Variants in MEIS1 observed in about 807,000 individuals in gnomAD.
The protein encoded by MEIS1 is homeobox protein Meis1.
A neutral mutation model predicts 50.8 loss-of-function variants in MEIS1; 5 were observed. The ratio of observed to expected loss-of-function variants is 0.10; its 90% confidence interval spans 0.05 to 0.21. MEIS1 has a LOEUF of 0.21. MEIS1 is among the 10% of genes least tolerant of loss of function. MEIS1 has a pLI of 1.00. For synonymous variants in MEIS1, 176 were observed against 179.3 expected (o/e 0.98, Z 0.15); for missense variants, 318 against 517.3 (o/e 0.61, Z 3.74).
chr2:66,571,019 G>A (rs574729605), intron 12 of MEIS1: 62 of 498,764 alleles, frequency 1.2e-4, no homozygotes, highest in Admixed American at 7.3e-4. Flanking sequence ...CTCAGTAGGC[G>A]GACCTGATAA....
chr2:66,563,330 T>A (rs989492633), intron 9 of MEIS1, among the ~76,000 whole-genome samples: 8 of 152,186 alleles, frequency 5.3e-5, no homozygotes, highest in African/African-American at 1.4e-4. Flanking sequence ...TTTGTCATTC[T>A]TTTTTATATT....
chr2:66,553,060 T>G (rs1379561546), intron 9 of MEIS1, among the ~76,000 whole-genome samples: 2 of 152,160 alleles, frequency 1.3e-5, no homozygotes, highest in African/African-American at 4.8e-5. Flanking sequence ...AAAAAAACAG[T>G]ACACGATGCA....
chr2:66,553,379 A>G (rs573620194), intron 9 of MEIS1, among the ~76,000 whole-genome samples: 5 of 152,350 alleles, frequency 3.3e-5, no homozygotes, highest in African/African-American at 9.6e-5. Context: ...GTTAATTGCT[A>G]TGCTTTTCAC....
chr2:66,441,839 G>GA (rs1671992281), intron 5 of MEIS1: 1 of 201,628 alleles, frequency 5.0e-6, no homozygotes, highest in Admixed American at 6.3e-5. Flanking sequence ...CTCTGAGGGA[G>GA]AAAAAAGTTT....
At chr2:66,448,239 A>T (rs866434550) in intron 6 of MEIS1, among the ~76,000 whole-genome samples, 1 of 152,218 alleles carries the variant, frequency 6.6e-6, no homozygotes, top group African/African-American at 2.4e-5. Flanking sequence ...ATAAATTTTA[A>T]ATCATTATGT....
At chr2:66,485,949 T>C (rs574338213) in intron 7 of MEIS1, among the ~76,000 whole-genome samples, 1 of 152,184 alleles carries the variant, frequency 6.6e-6, no homozygotes, top group Non-Finnish European at 1.5e-5. Flanking sequence ...TGGGATTGTG[T>C]TTTTTTCTTG....
chr2:66,509,999 C>T (rs1333302185), intron 7 of MEIS1, among the ~76,000 whole-genome samples: 1 of 152,118 alleles, frequency 6.6e-6, no homozygotes. Context: ...GGAAAATAAT[C>T]ATGGGGAGGT....
At chr2:66,446,145 G>A (rs1672138790) in intron 6 of MEIS1, among the ~76,000 whole-genome samples, 1 of 152,142 alleles carries the variant, frequency 6.6e-6, no homozygotes, top group Admixed American at 6.5e-5. Flanking sequence ...GCTAGGCGTC[G>A]AGGCGAGGGT....
At chr2:66,482,149 C>G (rs529265989) in intron 7 of MEIS1, among the ~76,000 whole-genome samples, 192 of 152,234 alleles carry the variant, frequency 1.3e-3, no homozygotes, top group African/African-American at 4.5e-3. Context: ...TGTGAGCCAC[C>G]ATGCCCAGTG....
At chr2:66,472,531 A>G (rs1045330888) in intron 7 of MEIS1, among the ~76,000 whole-genome samples, 1 of 152,236 alleles carries the variant, frequency 6.6e-6, no homozygotes, top group African/African-American at 2.4e-5. Flanking sequence ...TGTGCTACCA[A>G]GAACATCAAG....
chr2:66,550,464 CTGTTT>C (rs56404928), intron 9 of MEIS1, among the ~76,000 whole-genome samples: 19,285 of 147,798 alleles, frequency 0.13, 1,401 homozygotes, highest in East Asian at 0.24. Context: ...AAACCTCTTC[CTGTTT>C]TGTTTTGTTT....
chr2:66,476,814 T>C lies in MEIS1; in HGVS notation c.742+12594T>C, dbSNP rs377434997. ...GGAGTTAGCCCTAGAAGAAATTGGT[T>C]TTCTATTTCTGATCTCCCACTCAGT... On this transcript the variant is annotated intron_variant, in intron 7 of 12. Transcript: ENST00000272369. 8.5e-5 allele frequency among the ~76,000 whole-genome samples: 13 copies of C among 152,208 alleles called. No individual in the cohort carries two copies. The East Asian group carries it at 2.3e-3, about 27-fold the overall frequency.
In MEIS1 at chr2:66,497,365, A is replaced by G. The variant is rs549086875; in HGVS notation, c.743-14784A>G. ...AATGAGATACTTCAGAAAAGCAAGG[A>G]TTGTGAGAATTAATTGATCAAAGAT... is the stretch of plus-strand genomic sequence containing the variant. On this transcript the variant is annotated intron_variant, in intron 7 of 12. Transcript: ENST00000272369. 2.0e-5 allele frequency among the ~76,000 whole-genome samples: 3 copies of G among 152,292 alleles called. No homozygotes were observed. The South Asian group carries it at 6.2e-4, about 32-fold the overall frequency.
At chr2:66,461,791 A>G (rs1672525171) in intron 6 of MEIS1, 3 of 452,376 alleles carry the variant, frequency 6.6e-6, no homozygotes, top group Non-Finnish European at 1.4e-5. Flanking sequence ...ATGAATCGGA[A>G]TGCCTCACAG....
In MEIS1 at chr2:66,522,226, TA is replaced by T. The variant is rs532417476; in HGVS notation, c.888+9933del. Among the ~76,000 whole-genome samples, 253 of 152,294 alleles carry T rather than the reference TA, an allele frequency of 1.7e-3. 2 individuals carry two copies. Among genetic ancestry groups the T allele is most frequent in the African/African-American group, 5.5e-3 (229 of 41,562 alleles). ...CTTAGCATCATTTATCTAATACAAA[TA>T]CAGGTTCTTATGTGAGGATCATGGC... On this transcript the variant is annotated intron_variant, in intron 8 of 12. Transcript: ENST00000272369.
intron 7 of MEIS1, among the ~76,000 whole-genome samples, chr2:66,468,900 C>G (rs1055166766): frequency 6.6e-6 from 1 of 152,094 alleles, no homozygotes; most frequent in Non-Finnish European, 1.5e-5. Context: ...TGATATGATT[C>G]ATTGGTATTA....
rs187283059 is a variant in MEIS1, at chr2:66,449,709, A to G, written c.630+6661A>G. Reference sequence around the variant, plus strand: ...AATCCAATTATGATCAATGTAATGCATTCAAGTGCACAGAATTAAAGCAAT... The same window carrying G: ...AATCCAATTATGATCAATGTAATGCGTTCAAGTGCACAGAATTAAAGCAAT... On this transcript the variant is annotated intron_variant, in intron 6 of 12. Transcript: ENST00000272369. 1.4e-4 allele frequency among the ~76,000 whole-genome samples: 22 copies of G among 152,324 alleles called. 1 individual carries two copies. Among genetic ancestry groups the G allele is most frequent in the East Asian group, 9.6e-4 (5 of 5,190 alleles).
chr2:66,516,104 GTTTAAGGTAAAAATCAAGGGTCTCTTTTC>G (rs1673961486), intron 8 of MEIS1, among the ~76,000 whole-genome samples: 1 of 152,160 alleles, frequency 6.6e-6, no homozygotes, highest in African/African-American at 2.4e-5. Context: ...TGCATGCCAC[GTTTAAGGTAAAAATCAAGGGTCTCTTTTC>G]TTTTTTGTTT....
chr2:66,569,218 C>T, intron 12 of MEIS1, 73 bp downstream of exon 12: 3 of 1,250,302 alleles, frequency 2.4e-6, no homozygotes, highest in Non-Finnish European at 2.3e-6. Context: ...CTTATGTTCT[C>T]CTTGCCCATA....
Sources: allele counts gnomAD v4.1 joint callset (sites outside exome capture counted in the v4.1 genomes callset), GRCh38; gene constraint gnomAD v4.1.1; transcripts MANE v1.5; gene names NCBI Gene and HGNC (gene_info 2026-07-23, HGNC 2026-07-21).